Variants in COG5 observed in about 807,000 individuals in gnomAD.
The protein encoded by COG5 is conserved oligomeric Golgi complex subunit 5.
Under a neutral mutation model 110.4 loss-of-function variants are expected in COG5, and 86 were observed. The ratio of observed to expected loss-of-function variants is 0.78; its 90% confidence interval spans 0.65 to 0.93. The LOEUF (loss-of-function observed/expected upper bound fraction) is 0.93, where lower values mean the gene tolerates loss of function less well. COG5 is among the 40% of genes least tolerant of loss of function. The pLI, the probability that COG5 is intolerant of heterozygous loss-of-function variation, is 0.00. For missense variants in COG5, 1,077 were observed against 987.0 expected (o/e 1.09, Z -1.22); for synonymous variants, 360 against 334.6 (o/e 1.08, Z -0.83).
chr7:107,435,149 G>A (rs1584819466), intron 6 of COG5, among the ~76,000 whole-genome samples: 2 of 152,162 alleles, frequency 1.3e-5, no homozygotes, highest in African/African-American at 4.8e-5. Context: ...GCCAGCAGGT[G>A]GGGGAGAGGA....
intron 8 of COG5, among the ~76,000 whole-genome samples, chr7:107,371,689 ATATT>A (rs1412915794): frequency 6.6e-6 from 1 of 152,190 alleles, no homozygotes; most frequent in Non-Finnish European, 1.5e-5. Flanking sequence ...AAATTAAGAT[ATATT>A]TATTTAATTG....
At chr7:107,437,565 C>G (rs1471763984) in intron 6 of COG5, among the ~76,000 whole-genome samples, 3 of 152,130 alleles carry the variant, frequency 2.0e-5, no homozygotes, top group Non-Finnish European at 2.9e-5. Flanking sequence ...CACTGGACAA[C>G]TATTATTGAA....
At chr7:107,348,876 T>A (rs78959986) in intron 10 of COG5, among the ~76,000 whole-genome samples, 8 of 151,776 alleles carry the variant, frequency 5.3e-5, no homozygotes, top group African/African-American at 1.5e-4. Flanking sequence ...TTTTTTTTTT[T>A]AAAGAGATAG....
Position 107,372,597 on chromosome 7 carries a change from C to CT in COG5, c.832dup (p.Arg278LysfsTer61), listed in dbSNP as rs1338429650. The CT allele has an allele frequency of 6.2e-7, 1 of 1,613,410 alleles. No individual in the cohort carries two copies. The highest frequency in any genetic ancestry group is 2.2e-5 in the East Asian group (1 of 44,806). On this transcript the variant is annotated frameshift_variant, in exon 8 of 22. Coordinates refer to ENST00000297135, the MANE Select transcript of COG5 (RefSeq NM_006348.5). LOFTEE classifies it high-confidence loss of function. ...CTAAATATAAACCACATCCATACCTCTCACAGCTGACTGGGAAGGCTGAGT... is the reference window on the plus strand; with the variant it reads ...CTAAATATAAACCACATCCATACCTCTTCACAGCTGACTGGGAAGGCTGAGT...
chr7:107,458,185 A>C (rs942787500), intron 6 of COG5, among the ~76,000 whole-genome samples: 2 of 152,250 alleles, frequency 1.3e-5, no homozygotes, highest in Non-Finnish European at 2.9e-5. Context: ...TATTTTGACA[A>C]GAAAAACAGA....
intron 21 of COG5, chr7:107,208,105 C>T: frequency 2.0e-6 from 2 of 985,374 alleles, no homozygotes; most frequent in Non-Finnish European, 2.4e-6. Flanking sequence ...TAAGAAAGAA[C>T]ATTCTCTAGG....
At chr7:107,348,340 G>C (rs114828925) in intron 10 of COG5, among the ~76,000 whole-genome samples, 2,223 of 152,022 alleles carry the variant, frequency 0.015, 53 homozygotes, top group African/African-American at 0.052. Context: ...GAAAGAGTTG[G>C]GCAAGGGGTC....
intron 6 of COG5, among the ~76,000 whole-genome samples, chr7:107,502,010 T>A (rs768876519): frequency 2.7e-4 from 41 of 152,146 alleles, no homozygotes; most frequent in Admixed American, 1.8e-3. Context: ...TTCATGGTAT[T>A]TTTTTCTTTT....
chr7:107,246,813 A>T (rs567800750), intron 17 of COG5, among the ~76,000 whole-genome samples: 1 of 152,328 alleles, frequency 6.6e-6, no homozygotes, highest in East Asian at 1.9e-4. Context: ...CAGTATGGTG[A>T]TTCCTCAAAG....
At chr7:107,550,519 C>A (rs1263798966) in intron 3 of COG5, among the ~76,000 whole-genome samples, 1 of 152,160 alleles carries the variant, frequency 6.6e-6, no homozygotes, top group African/African-American at 2.4e-5. Context: ...ACTTTCTGCC[C>A]CTCAAACATG....
intron 11 of COG5, among the ~76,000 whole-genome samples, chr7:107,315,878 T>C (rs189048505): frequency 3.2e-4 from 49 of 152,214 alleles, no homozygotes; most frequent in Non-Finnish European, 6.6e-4. Flanking sequence ...TAGCAGGCTA[T>C]TCCTAAGGTG....
chr7:107,515,945 T>C (rs987966958), intron 6 of COG5, among the ~76,000 whole-genome samples: 1 of 152,236 alleles, frequency 6.6e-6, no homozygotes, highest in African/African-American at 2.4e-5. Context: ...GCCATGAATG[T>C]AGTTAAGTAC....
intron 7 of COG5, 51 bp from the exon 8 acceptor site, chr7:107,372,811 C>A: frequency 6.4e-7 from 1 of 1,558,328 alleles, no homozygotes; most frequent in South Asian, 1.1e-5. Context: ...GGAAAACAAA[C>A]AAAATCAACA....
At chr7:107,508,663 G>T (rs1462108771) in intron 6 of COG5, among the ~76,000 whole-genome samples, 1 of 152,146 alleles carries the variant, frequency 6.6e-6, no homozygotes, top group Non-Finnish European at 1.5e-5. Context: ...ACACGGCCGG[G>T]TACTCCTCTG....
At chr7:107,290,833 G>A (rs760109012) in intron 12 of COG5, among the ~76,000 whole-genome samples, 1 of 147,640 alleles carries the variant, frequency 6.8e-6, no homozygotes, top group Non-Finnish European at 1.5e-5. Context: ...GGCGTGGGGA[G>A]TGGGTAAAGA....
chr7:107,379,069 T>C (rs1478974012), intron 7 of COG5, among the ~76,000 whole-genome samples: 4 of 152,140 alleles, frequency 2.6e-5, no homozygotes, highest in Non-Finnish European at 5.9e-5. Context: ...TAACGGCAGA[T>C]CTCTCTGCAG....
intron 6 of COG5, among the ~76,000 whole-genome samples, chr7:107,428,194 C>A (rs1168070767): frequency 1.3e-5 from 2 of 152,098 alleles, no homozygotes; most frequent in African/African-American, 4.8e-5. Context: ...TGTAGGTTGG[C>A]CTTCACACTT....
intron 1 of COG5, 143 bp from the exon 2 acceptor site, chr7:107,558,258 T>C (rs1025480544): frequency 2.6e-6 from 2 of 780,826 alleles, no homozygotes; most frequent in African/African-American, 3.5e-5. Context: ...ATGCTTACTT[T>C]TATCATGACC....
intron 10 of COG5, among the ~76,000 whole-genome samples, chr7:107,347,532 A>G (rs781052823): frequency 6.6e-5 from 10 of 152,192 alleles, no homozygotes; most frequent in African/African-American, 9.6e-5. Flanking sequence ...AAATATATGA[A>G]CTCTGTAACA....
Sources: allele counts gnomAD v4.1 joint callset (sites outside exome capture counted in the v4.1 genomes callset), GRCh38; gene constraint gnomAD v4.1.1; transcripts MANE v1.5; gene names NCBI Gene and HGNC (gene_info 2026-07-23, HGNC 2026-07-21).